Variants in TRIP12 observed in about 807,000 individuals in gnomAD.
The protein encoded by TRIP12 is E3 ubiquitin-protein ligase TRIP12.
In TRIP12, 25 loss-of-function variants were observed where a neutral mutation model predicts 244.2. That is an observed-to-expected ratio of 0.10 (90% confidence interval 0.07 to 0.14). The LOEUF (loss-of-function observed/expected upper bound fraction) is 0.14. Ranked by LOEUF, TRIP12 falls within the 10% of genes least tolerant of loss-of-function variation. The pLI, the probability that TRIP12 is intolerant of heterozygous loss-of-function variation, is 1.00. For synonymous variants in TRIP12, 905 were observed against 873.1 expected (o/e 1.04, Z -0.64); for missense variants, 1,677 against 2,486.4 (o/e 0.67, Z 6.92).
chr2:229,897,144 C>A (rs1041967355), intron 1 of TRIP12, among the ~76,000 whole-genome samples: 1 of 152,116 alleles, frequency 6.6e-6, no homozygotes, highest in Non-Finnish European at 1.5e-5. Flanking sequence ...CTTAAGAAGT[C>A]TTTTAAGGCA....
chr2:229,867,115 T>G (rs899902333), intron 2 of TRIP12, among the ~76,000 whole-genome samples: 13 of 151,560 alleles, frequency 8.6e-5, no homozygotes, highest in East Asian at 1.9e-4. Flanking sequence ...TTTTGTTTTT[T>G]TTTTTAAGTG....
At chr2:229,917,761 A>T (rs909423072) in intron 1 of TRIP12, among the ~76,000 whole-genome samples, 1 of 152,192 alleles carries the variant, frequency 6.6e-6, no homozygotes, top group Non-Finnish European at 1.5e-5. Flanking sequence ...TGGCATGATC[A>T]TAACTATTAA....
At chr2:229,831,107 T>C (rs1385805482) in intron 6 of TRIP12, 13 of 714,254 alleles carry the variant, frequency 1.8e-5, no homozygotes, top group Admixed American at 8.1e-5. Context: ...TCTTGTGCCG[T>C]TGAAACTGTT....
In TRIP12 at chr2:229,829,202, T is replaced by A. The variant is rs767001108; in HGVS notation, c.1441A>T (p.Ser481Cys). ...GAACATTTTTACTTACTAGCTCCAC[T>A]TCCAATTGTTCTATGGAAAAGCTGT... ...MSQLFHRTIG[S>C]GASSKAQQLL... Residue 481 changes from serine to cysteine, a missense_variant, in exon 8 of 42, where the codon AGT (serine) becomes TGT (cysteine). This residue lies in a region of TRIP12 where 143 missense variants were observed against 215.6 expected (regional missense o/e 0.66). Transcript: ENST00000675903. 1 of 1,613,884 alleles carries A rather than the reference T, an allele frequency of 6.2e-7. No individual in the cohort carries two copies. The highest frequency in any genetic ancestry group is 8.5e-7 in the Non-Finnish European group (1 of 1,179,904).
chr2:229,916,692 C>A (rs1288941400), intron 1 of TRIP12, among the ~76,000 whole-genome samples: 1 of 152,070 alleles, frequency 6.6e-6, no homozygotes, highest in Admixed American at 6.6e-5. Flanking sequence ...TCACTGAAAT[C>A]ACAATAAACA....
At chr2:229,899,234 C>G (rs947171263) in intron 1 of TRIP12, among the ~76,000 whole-genome samples, 1 of 152,016 alleles carries the variant, frequency 6.6e-6, no homozygotes. Context: ...CACGGTCTAG[C>G]CACCAAATTT....
chr2:229,798,817 A>C, intron 23 of TRIP12, 58 bp downstream of exon 23: 2 of 1,573,292 alleles, frequency 1.3e-6, no homozygotes, highest in South Asian at 2.3e-5. Context: ...TGGCTGAAAT[A>C]ATGTTTAAGT....
chr2:229,823,400 A>G (rs1205467744), intron 8 of TRIP12, among the ~76,000 whole-genome samples: 1 of 152,100 alleles, frequency 6.6e-6, no homozygotes, highest in Non-Finnish European at 1.5e-5. Flanking sequence ...TTGGCCAGGC[A>G]TGGTGGCTCA....
At position 229,839,191 on chromosome 2, in the gene TRIP12, G is replaced by A. The variant is rs142842316; in HGVS notation, c.1133+1631C>T. Among the ~76,000 whole-genome samples, 13 of 152,242 alleles carry A rather than the reference G, an allele frequency of 8.5e-5. No homozygotes were observed. The East Asian group carries it at 2.5e-3, about 29-fold the overall frequency. The stretch of plus-strand genomic sequence containing the variant: ...GTTTAGATGCATAAATGCTTGCCAT[G>A]GTGTTACAACTGTCTACAGTATTCT... On this transcript the variant is annotated intron_variant, in intron 5 of 41. Coordinates refer to ENST00000675903, the MANE Select transcript of TRIP12 (RefSeq NM_001348323.3).
At chr2:229,895,448 C>A (rs2068546606) in intron 1 of TRIP12, among the ~76,000 whole-genome samples, 1 of 149,720 alleles carries the variant, frequency 6.7e-6, no homozygotes, top group Non-Finnish European at 1.5e-5. Flanking sequence ...TTTTCTAGAA[C>A]CAGTAAATGA....
intron 17 of TRIP12, 119 bp downstream of exon 17, chr2:229,807,589 A>C (rs757716713): frequency 7.8e-7 from 1 of 1,280,558 alleles, no homozygotes; most frequent in Admixed American, 1.7e-5. Context: ...AAAATGAGAG[A>C]ATCTTGAGTT....
In TRIP12 at chr2:229,807,473, CTT is replaced by C. The variant is rs1407580898; in HGVS notation, c.2496+233_2496+234del. 5.9e-5 allele frequency: 32 copies of C among 545,372 alleles called. No homozygotes were observed. The Admixed American group carries it at 9.9e-4, about 17-fold the overall frequency. The allele number at this position is 545,372 out of a possible 1,614,324, so 33.8% of individuals were successfully genotyped here. A position where few individuals can be genotyped will look rare whatever the true frequency, so the allele number is the denominator to read the frequency against. The stretch of plus-strand genomic sequence containing the variant: ...AATGAGGAAACTATGGAACAACAAA[CTT>C]AAATTACTTGCTCCAAGTCAATCAG... On this transcript the variant is annotated intron_variant, in intron 17 of 41. Transcript: ENST00000675903.
intron 4 of TRIP12, among the ~76,000 whole-genome samples, chr2:229,844,135 AGATATTTT>A (rs1454248981): frequency 1.3e-5 from 2 of 152,220 alleles, no homozygotes; most frequent in Non-Finnish European, 2.9e-5. Context: ...CAATGACCTT[AGATATTTT>A]ACTTACTCTT....
chr2:229,878,666 C>T (rs919874922), intron 2 of TRIP12, among the ~76,000 whole-genome samples: 14 of 151,002 alleles, frequency 9.3e-5, no homozygotes, highest in African/African-American at 2.7e-4. Flanking sequence ...CTGCAAGCTC[C>T]GCCTCCCGGG....
intron 6 of TRIP12, among the ~76,000 whole-genome samples, chr2:229,831,539 G>C (rs2053372655): frequency 6.6e-6 from 1 of 152,194 alleles, no homozygotes; most frequent in Non-Finnish European, 1.5e-5. Context: ...CCTGAGTCGA[G>C]AGCACTGCTT....
intron 2 of TRIP12, among the ~76,000 whole-genome samples, chr2:229,872,807 CT>C (rs1164138876): frequency 2.0e-5 from 3 of 152,194 alleles, no homozygotes; most frequent in African/African-American, 7.2e-5. Context: ...CTCAAGTCTA[CT>C]TTCCTAACCA....
At chr2:229,884,086 A>G (rs1171965350) in intron 1 of TRIP12, among the ~76,000 whole-genome samples, 2 of 151,782 alleles carry the variant, frequency 1.3e-5, no homozygotes, top group African/African-American at 4.8e-5. Context: ...ACTCCAGCCC[A>G]ACTAATAGTG....
chr2:229,801,454 T>C (rs2044326394), intron 21 of TRIP12, among the ~76,000 whole-genome samples: 1 of 152,206 alleles, frequency 6.6e-6, no homozygotes. Flanking sequence ...ACCCCACTTA[T>C]TATTACTATA....
At chr2:229,780,934 C>A (rs1016730202) in intron 34 of TRIP12, among the ~76,000 whole-genome samples, 2 of 152,180 alleles carry the variant, frequency 1.3e-5, no homozygotes, top group Non-Finnish European at 2.9e-5. Context: ...GAAAAACCTG[C>A]AGTAACACAT....
Sources: allele counts gnomAD v4.1 joint callset (sites outside exome capture counted in the v4.1 genomes callset), GRCh38; gene constraint gnomAD v4.1.1; regional missense constraint gnomAD v4.1.1; transcripts MANE v1.5; gene names NCBI Gene and HGNC (gene_info 2026-07-23, HGNC 2026-07-21).